Variants in MTHFD2 observed in about 807,000 individuals in gnomAD.
MTHFD2 encodes the protein bifunctional methylenetetrahydrofolate dehydrogenase/cyclohydrolase, mitochondrial.
MTHFD2 carries 26 observed loss-of-function variants against 36.8 expected under a neutral mutation model. The observed-to-expected ratio is 0.71, with a 90% CI of 0.52 to 0.98. The LOEUF (loss-of-function observed/expected upper bound fraction) is 0.98, where lower values mean the gene tolerates loss of function less well. Among genes scored for constraint, MTHFD2 ranks in the 50% least tolerant of loss-of-function variants. The pLI, the probability that MTHFD2 is intolerant of heterozygous loss-of-function variation, is 0.00. For missense variants in MTHFD2, 373 were observed against 434.0 expected, an observed-to-expected ratio of 0.86 and a Z score of 1.25; for synonymous variants, 164 against 155.2, an observed-to-expected ratio of 1.06 and a Z score of -0.42.
intron 3 of MTHFD2, 142 bp downstream of exon 3, chr2:74,207,968 G>A: frequency 1.2e-6 from 1 of 863,896 alleles, no homozygotes; most frequent in South Asian, 1.9e-5. Context: ...GAGTGCAATG[G>A]TACAATCATA....
chr2:74,207,152 G>A (rs1019057230), intron 2 of MTHFD2, among the ~76,000 whole-genome samples: 2 of 151,742 alleles, frequency 1.3e-5, no homozygotes, highest in Non-Finnish European at 2.9e-5. Context: ...ATTTAGAGAC[G>A]GAGTCTCGCT....
chr2:74,199,060 G>T (rs1408953666), intron 1 of MTHFD2, among the ~76,000 whole-genome samples: 1 of 152,236 alleles, frequency 6.6e-6, no homozygotes, highest in Non-Finnish European at 1.5e-5. Flanking sequence ...GAACGCGAAG[G>T]CATCAGTTTA....
At chr2:74,202,639 G>A (rs1694066758) in intron 1 of MTHFD2, among the ~76,000 whole-genome samples, 1 of 151,838 alleles carries the variant, frequency 6.6e-6, no homozygotes, top group African/African-American at 2.4e-5. Context: ...CGATTCTCCT[G>A]CCTCAGCCTC....
At chr2:74,212,456 C>T (rs758640609) in intron 7 of MTHFD2, among the ~76,000 whole-genome samples, 5 of 151,656 alleles carry the variant, frequency 3.3e-5, no homozygotes, top group Non-Finnish European at 5.9e-5. Context: ...TTAGTAGAGA[C>T]GGGGTTTCAC....
At chr2:74,209,183 AT>A (rs1262938842) in intron 4 of MTHFD2, among the ~76,000 whole-genome samples, 1 of 151,432 alleles carries the variant, frequency 6.6e-6, no homozygotes, top group Non-Finnish European at 1.5e-5. Context: ...ACAGTTGCCT[AT>A]GACAGTTTTT....
intron 7 of MTHFD2, 84 bp downstream of exon 7, chr2:74,211,950 T>G (rs1694314312): frequency 9.1e-7 from 1 of 1,098,616 alleles, no homozygotes; most frequent in African/African-American, 1.7e-5. Context: ...TTTACTTTTT[T>G]TTTTTTTTTT....
chr2:74,208,610 G>C lies in MTHFD2; in HGVS notation c.451G>C (p.Asp151His). ...AAGGATCTGCAATGCTGTTTCTCCA[G>C]ACAAGGATGTTGATGGCTTTCATGT... ...ERRICNAVSPDKDVDGFHVIN... is the reference protein window; with the variant it reads ...ERRICNAVSPHKDVDGFHVIN... Residue 151 changes from aspartate to histidine, a missense_variant, in exon 4 of 8, where the codon GAC becomes CAC. This residue lies in a region of MTHFD2 where 308 missense variants were observed against 397.8 expected (regional missense o/e 0.77). Transcript: ENST00000394053. 1.9e-6 allele frequency: 3 copies of C among 1,614,196 alleles called. No homozygotes were observed. Among genetic ancestry groups the C allele is most frequent in the Non-Finnish European group, 2.5e-6 (3 of 1,180,028 alleles).
Position 74,214,431 on chromosome 2 carries a change from A to G in MTHFD2, c.*189A>G, listed in dbSNP as rs1694384789. ...GCAGTACCTCACCAGGGAGCATTCCAGTATCATGCAGGGTCCTGTGATCTA... is the reference window on the plus strand; with the variant it reads ...GCAGTACCTCACCAGGGAGCATTCCGGTATCATGCAGGGTCCTGTGATCTA... On this transcript the variant is annotated 3_prime_UTR_variant, in exon 8 of 8. Transcript: ENST00000394053. The G allele has an allele frequency of 7.7e-6, 4 of 517,110 alleles. No homozygotes were observed. Among genetic ancestry groups the G allele is most frequent in the Non-Finnish European group, 1.3e-5 (4 of 300,258 alleles). 32.0% of individuals were successfully genotyped at this position (517,110 alleles called of 1,614,324 possible). A position where few individuals can be genotyped will look rare whatever the true frequency, so the allele number is the denominator to read the frequency against.
intron 1 of MTHFD2, among the ~76,000 whole-genome samples, chr2:74,203,909 A>AGTTT (rs1558852962): frequency 4.9e-5 from 4 of 81,412 alleles, no homozygotes; most frequent in African/African-American, 2.2e-4. Context: ...TAGTTTAGTT[A>AGTTT]GTTTAGTTTA....
In MTHFD2 at chr2:74,210,034, C is replaced by T. The variant is rs763531037; in HGVS notation, c.655C>T (p.His219Tyr). ...IAMLLHTDGA[H>Y]ERPGGDATVT... ...AATGTTACTGCACACAGATGGGGCG[C>T]ATGAACGTCCCGGAGGTAAGGAAAT... The change falls in exon 5 of 8, where the codon CAT (histidine) becomes TAT (tyrosine). Residue 219 changes from histidine to tyrosine, a missense_variant. His to Tyr is a moderately conservative substitution (Grantham distance 83). Coordinates refer to ENST00000394053, the MANE Select transcript of MTHFD2 (RefSeq NM_006636.4). The T allele has an allele frequency of 1.1e-5, 17 of 1,612,774 alleles. No individual in the cohort carries two copies. Among genetic ancestry groups the T allele is most frequent in the Non-Finnish European group, 8.5e-7 (1 of 1,179,382 alleles).
intron 4 of MTHFD2, among the ~76,000 whole-genome samples, chr2:74,209,275 C>T (rs182911119): frequency 3.0e-4 from 45 of 151,808 alleles, no homozygotes; most frequent in African/African-American, 9.2e-4. Flanking sequence ...CGGAGTCTTG[C>T]TCTGTTGCCC....
chr2:74,203,897 TTTAGTTTAG>T (rs60020649), intron 1 of MTHFD2, among the ~76,000 whole-genome samples: 2,188 of 27,844 alleles, frequency 0.079, 75 homozygotes, highest in African/African-American at 0.22. Context: ...TTTAGTTTAG[TTTAGTTTAG>T]TTAGTTTAGT....
intron 7 of MTHFD2, among the ~76,000 whole-genome samples, 155 bp from the exon 8 acceptor site, chr2:74,213,924 T>C (rs1397635185): frequency 1.3e-5 from 2 of 152,228 alleles, no homozygotes; most frequent in Non-Finnish European, 2.9e-5. Context: ...ATTTTACTAG[T>C]GTGTTCACAA....
At chr2:74,200,026 A>C (rs1230621218) in intron 1 of MTHFD2, among the ~76,000 whole-genome samples, 1 of 152,214 alleles carries the variant, frequency 6.6e-6, no homozygotes, top group Non-Finnish European at 1.5e-5. Flanking sequence ...CAAGGGGCAG[A>C]ACACGCGTGT....
chr2:74,206,685 C>T (rs1048336282), intron 2 of MTHFD2: 19 of 152,272 alleles, frequency 1.2e-4, no homozygotes, highest in African/African-American at 4.6e-4. Flanking sequence ...CTTTAGAAAC[C>T]TCTAGATAAT....
chr2:74,206,001 C>A, intron 2 of MTHFD2, 112 bp downstream of exon 2: 1 of 1,147,206 alleles, frequency 8.7e-7, no homozygotes, highest in Non-Finnish European at 1.2e-6. Context: ...GCAGAGGAGG[C>A]TAATGTGATT....
chr2:74,210,644 T>C (rs1247468094), intron 5 of MTHFD2, among the ~76,000 whole-genome samples: 1 of 152,202 alleles, frequency 6.6e-6, no homozygotes, highest in Non-Finnish European at 1.5e-5. Context: ...GCTTTAAAAA[T>C]AGGATGAATA....
Position 74,205,689 on chromosome 2 carries a change from CTG to C in MTHFD2, c.102-14_102-13del. 2 of 1,612,444 alleles carry C rather than the reference CTG, an allele frequency of 1.2e-6. No homozygotes were observed. Among genetic ancestry groups the C allele is most frequent in the South Asian group, 2.2e-5 (2 of 90,958 alleles). On this transcript the variant is annotated splice_polypyrimidine_tract_variant and intron_variant, in intron 1 of 7. Coordinates refer to ENST00000394053, the MANE Select transcript of MTHFD2 (RefSeq NM_006636.4). The stretch of plus-strand genomic sequence containing the variant: ...ATTCAAGTTATTTGGTTTTGTGACT[CTG>C]TTGCCTTCTGCAGAAATGAAGCTGT...
At chr2:74,206,794 C>T (rs755579034) in intron 2 of MTHFD2, among the ~76,000 whole-genome samples, 7 of 152,320 alleles carry the variant, frequency 4.6e-5, no homozygotes, top group African/African-American at 1.2e-4. Flanking sequence ...CCGCAACCTC[C>T]GCCTCCCGGG....
Sources: gnomAD v4.1 joint callset for allele counts (sites outside exome capture counted in the v4.1 genomes callset) on GRCh38, gnomAD v4.1.1 for gene constraint, gnomAD v4.1.1 regional missense constraint, MANE v1.5 for transcripts, NCBI Gene and HGNC (gene_info 2026-07-23, HGNC 2026-07-21) for gene names.